The following HMCN2 variants were observed in gnomAD, a reference collection of about 807,000 sequenced individuals.
The protein encoded by HMCN2 is hemicentin 2.
A neutral mutation model predicts 377.5 loss-of-function variants in HMCN2; 325 were observed. That is an observed-to-expected ratio of 0.86 (90% CI 0.79 to 0.94). The LOEUF is 0.94. Ranked by LOEUF, HMCN2 falls within the 40% of genes least tolerant of loss-of-function variation. The pLI, the probability that HMCN2 is intolerant of heterozygous loss-of-function variation, is 0.00. For synonymous variants in HMCN2, 2,007 were observed against 2,046.8 expected (o/e 0.98, Z 0.53); for missense variants, 4,543 against 4,725.3 (o/e 0.96, Z 1.13).
chr9:130,398,051 G>T (rs1588393427), intron 74 of HMCN2, among the ~76,000 whole-genome samples: 2 of 149,788 alleles, frequency 1.3e-5, no homozygotes. Flanking sequence ...TACTTGGGAG[G>T]CTGAGGTGGG....
In HMCN2 at chr9:130,312,886, C is replaced by T. The variant is rs1837345345; in HGVS notation, c.2350+2825C>T. Among the ~76,000 whole-genome samples the T allele has an allele frequency of 2.0e-5, 3 of 152,014 alleles. No homozygotes were observed. The South Asian group carries it at 6.2e-4, about 32-fold the overall frequency. On this transcript the variant is annotated intron_variant, in intron 15 of 97. Transcript: ENST00000683500. ...TCACCATGTTGTTCAGGCTGAACTC[C>T]TGACCTCAGGTGATCTACCCGCCTC... is the stretch of plus-strand genomic sequence containing the variant.
At chr9:130,343,028 G>A (rs1839144740) in intron 25 of HMCN2, among the ~76,000 whole-genome samples, 3 of 152,326 alleles carry the variant, frequency 2.0e-5, no homozygotes, top group Non-Finnish European at 2.9e-5. Flanking sequence ...TCTGTACAGC[G>A]GGGTTGTACC....
rs1033624528 is a variant in HMCN2 at position 130,353,098 on chromosome 9, G to C, written c.4757G>C (p.Arg1586Pro). Residue 1586 changes from arginine to proline, a missense_variant, in exon 31 of 98, where the codon CGG becomes CCG. Coordinates refer to ENST00000683500, the MANE Select transcript of HMCN2 (RefSeq NM_001291815.2). Reference protein sequence around the residue: ...STKVVYTRGGRQLQLGRAQSS... With the variant: ...STKVVYTRGGPQLQLGRAQSS... ...AAGGTGGTCTACACTAGGGGCGGTC[G>C]GCAGTTGCAGCTGGGGAGGGCCCAG... 2.3e-6 allele frequency: 3 copies of C among 1,304,120 alleles called. No homozygotes were observed. 80.8% of individuals were successfully genotyped at this position (1,304,120 alleles called of 1,614,324 possible). A position where few individuals can be genotyped will look rare whatever the true frequency, so the allele number is the denominator to read the frequency against.
chr9:130,410,703 A>C, intron 85 of HMCN2, 51 bp downstream of exon 85: 2 of 1,499,748 alleles, frequency 1.3e-6, no homozygotes, highest in Non-Finnish European at 1.8e-6. Flanking sequence ...GCTCGGGGAC[A>C]GCGGTGGCGT....
intron 84 of HMCN2, among the ~76,000 whole-genome samples, chr9:130,410,265 C>T (rs538318633): frequency 2.3e-5 from 3 of 133,270 alleles, no homozygotes; most frequent in South Asian, 2.4e-4. Context: ...AAGATTTCAA[C>T]GTACACAGTT....
chr9:130,302,788 G>A (rs1836587303), intron 8 of HMCN2, 69 bp from the exon 9 acceptor site: 1 of 381,722 alleles, frequency 2.6e-6, no homozygotes, highest in Admixed American at 3.0e-5. Flanking sequence ...ATCCCTACAG[G>A]TCTCTGTGTC....
intron 81 of HMCN2, 99 bp from the exon 82 acceptor site, chr9:130,405,856 C>A: frequency 1.1e-6 from 1 of 927,144 alleles, no homozygotes; most frequent in Non-Finnish European, 1.5e-6. Context: ...CTTCCCCTCT[C>A]TGGGCTGGAT....
At chr9:130,381,334 C>T (rs776025818) in intron 54 of HMCN2, among the ~76,000 whole-genome samples, 13 of 152,148 alleles carry the variant, frequency 8.5e-5, no homozygotes, top group East Asian at 3.9e-4. Context: ...TGGAGACCAA[C>T]GCCAGCCCCC....
Position 130,382,684 on chromosome 9 carries a change from C to T in HMCN2, c.8551C>T (p.Pro2851Ser), listed in dbSNP as rs1841796966. 1.0e-6 allele frequency: 1 copy of T among 985,280 alleles called. No homozygotes were observed. The highest frequency in any genetic ancestry group is 1.2e-6 in the Non-Finnish European group (1 of 829,586). 61.0% of individuals were successfully genotyped at this position (985,280 alleles called of 1,614,324 possible). A position where few individuals can be genotyped will look rare whatever the true frequency, so the allele number is the denominator to read the frequency against. ...CCCCTCTCCCCCACCCCCAGCCCCA[C>T]CTGTGATCCTGGGTGACACAGAGGA... is the stretch of plus-strand genomic sequence containing the variant. ...LHYELLVLTP[P>S]VILGDTEELV... Residue 2851 changes from proline to serine, a missense_variant, in exon 56 of 98, where the codon CCT becomes TCT. By Grantham distance (74) the Pro-to-Ser change is moderately conservative (BLOSUM62 -1). Around this residue, in one of 5 missense-constraint regions of HMCN2, gnomAD observed 736 missense variants for 773.2 expected, o/e 0.95. Transcript: ENST00000683500.
At chr9:130,398,187 T>A (rs115005800) in intron 74 of HMCN2, among the ~76,000 whole-genome samples, 6,251 of 126,860 alleles carry the variant, frequency 0.049, 349 homozygotes, top group African/African-American at 0.16. Flanking sequence ...AAGTAAAACA[T>A]GTGAAAGGAT....
At chr9:130,427,430 T>C in intron 91 of HMCN2, 55 bp downstream of exon 91, 1 of 1,550,388 alleles carries the variant, frequency 6.4e-7, no homozygotes, top group Non-Finnish European at 8.7e-7. Flanking sequence ...CTGGGATGGA[T>C]GGCTTCTCCC....
At chr9:130,307,919 T>A (rs1389818091) in intron 14 of HMCN2, among the ~76,000 whole-genome samples, 1 of 152,214 alleles carries the variant, frequency 6.6e-6, no homozygotes, top group Admixed American at 6.5e-5. Flanking sequence ...TGAGTTCCTA[T>A]GCACATATGG....
intron 1 of HMCN2, among the ~76,000 whole-genome samples, chr9:130,278,156 G>T (rs189786803): frequency 6.6e-6 from 1 of 151,934 alleles, no homozygotes. Flanking sequence ...ACGCAGTCTC[G>T]CTCTGTCACC....
At chr9:130,325,531 C>T (rs1838087686) in intron 19 of HMCN2, 64 bp from the exon 20 acceptor site, 1 of 152,274 alleles carries the variant, frequency 6.6e-6, no homozygotes, top group East Asian at 1.9e-4. Flanking sequence ...CTGTTTCTAC[C>T]TTTTGGCCAC....
intron 60 of HMCN2, 139 bp from the exon 61 acceptor site, chr9:130,386,304 C>T: frequency 5.5e-6 from 2 of 362,482 alleles, no homozygotes; most frequent in South Asian, 4.5e-5. Context: ...GTCCTGATTC[C>T]CTTTGGCTCC....
At chr9:130,389,499 T>C (rs1249250771) in intron 62 of HMCN2, among the ~76,000 whole-genome samples, 4 of 152,184 alleles carry the variant, frequency 2.6e-5, no homozygotes, top group African/African-American at 9.7e-5. Flanking sequence ...ATAGAGTGTG[T>C]GGCCTTTTGT....
In HMCN2 at chr9:130,356,268, G is replaced by A. The variant is rs954451593; in HGVS notation, c.5425+11G>A. On this transcript the variant is annotated intron_variant, in intron 34 of 97. Transcript: ENST00000683500. The stretch of plus-strand genomic sequence containing the variant: ...AGGTGTCTGTGCATGGTGAGTGGGC[G>A]CCTGGGGTTCTGGAGCTGTGGGCAG... The A allele has an allele frequency of 3.1e-6, 4 of 1,287,038 alleles. No homozygotes were observed. The highest frequency in any genetic ancestry group is 2.6e-5 in the South Asian group (2 of 78,318). The allele number at this position is 1,287,038 out of a possible 1,614,324, so 79.7% of individuals were successfully genotyped here.
Position 130,360,291 on chromosome 9 carries a change from G to T in HMCN2, c.5774-137G>T. ...AGTCTGACGGGCTGGCAGCACCCTT[G>T]CTTCTCTCTTCCATTCCCCCTTGCA... is the stretch of plus-strand genomic sequence containing the variant. On this transcript the variant is annotated intron_variant, in intron 37 of 97. Coordinates refer to ENST00000683500, the MANE Select transcript of HMCN2 (RefSeq NM_001291815.2). This position sits in a 1 kb window ranked among gnomAD's most constrained non-coding sequence, Gnocchi z 4.7. 1 of 556,574 alleles carries T rather than the reference G, an allele frequency of 1.8e-6. No homozygotes were observed. Among genetic ancestry groups the T allele is most frequent in the South Asian group, 2.0e-5 (1 of 51,056 alleles). 34.5% of individuals were successfully genotyped at this position (556,574 alleles called of 1,614,324 possible).
rs2131683424 is a variant in HMCN2 at position 130,393,615 on chromosome 9, A to T, written c.10235-127A>T. The T allele has an allele frequency of 3.7e-6, 3 of 807,688 alleles. No individual in the cohort carries two copies. Among genetic ancestry groups the T allele is most frequent in the Non-Finnish European group, 5.0e-6 (3 of 604,164 alleles). The allele number at this position is 807,688 out of a possible 1,614,324, so 50.0% of individuals were successfully genotyped here. The stretch of plus-strand genomic sequence containing the variant: ...TGGAGAGGATGCTGTGGGAGCACAG[A>T]GGAGGGCACCTCACCTGGCCTTGGG... On this transcript the variant is annotated intron_variant, in intron 67 of 97. Transcript: ENST00000683500. The surrounding 1 kb of genome is among the most constrained non-coding windows in gnomAD (Gnocchi z 5.2).
Sources: allele counts gnomAD v4.1 joint callset (sites outside exome capture counted in the v4.1 genomes callset), GRCh38; gene constraint gnomAD v4.1.1; regional missense constraint gnomAD v4.1.1; non-coding constraint Gnocchi (gnomAD v3.1); transcripts MANE v1.5; gene names NCBI Gene and HGNC (gene_info 2026-07-23, HGNC 2026-07-21).